NTN4: variants seen among roughly 807,000 people sequenced by gnomAD.
NTN4 encodes the protein netrin-4.
A neutral mutation model predicts 73.6 loss-of-function variants in NTN4; 32 were observed. The ratio of observed to expected loss-of-function variants is 0.44; its 90% CI spans 0.33 to 0.58. The LOEUF (loss-of-function observed/expected upper bound fraction) is 0.58, where lower values mean the gene tolerates loss of function less well. NTN4 is among the 20% of genes least tolerant of loss of function. NTN4 has a pLI of 0.04. For missense variants in NTN4, 654 were observed against 798.3 expected, an observed-to-expected ratio of 0.82 and a Z score of 2.18; for synonymous variants, 258 against 287.5, an observed-to-expected ratio of 0.90 and a Z score of 1.04.
At chr12:95,707,543 G>T (rs1321719058) in intron 5 of NTN4, among the ~76,000 whole-genome samples, 1 of 151,980 alleles carries the variant, frequency 6.6e-6, no homozygotes, top group Non-Finnish European at 1.5e-5. Context: ...TGGTTCCCTG[G>T]ATCCCTTCCC....
At chr12:95,780,796 A>G (rs1196704648) in intron 2 of NTN4, among the ~76,000 whole-genome samples, 1 of 152,236 alleles carries the variant, frequency 6.6e-6, no homozygotes, top group Non-Finnish European at 1.5e-5. Flanking sequence ...CCATCCCTTT[A>G]CCGGGTATAT....
intron 5 of NTN4, among the ~76,000 whole-genome samples, chr12:95,696,595 T>G (rs1375617878): frequency 6.6e-6 from 1 of 152,158 alleles, no homozygotes; most frequent in Non-Finnish European, 1.5e-5. Flanking sequence ...CATTAATAAA[T>G]GAACGTGCAT....
At chr12:95,682,179 C>T (rs1244961239) in intron 7 of NTN4, among the ~76,000 whole-genome samples, 1 of 147,564 alleles carries the variant, frequency 6.8e-6, no homozygotes, top group African/African-American at 2.5e-5. Context: ...ACCTTAGCCT[C>T]TCAAGTAGCT....
intron 5 of NTN4, among the ~76,000 whole-genome samples, chr12:95,694,550 CATAA>C (rs568161697): frequency 5.3e-5 from 8 of 152,180 alleles, no homozygotes; most frequent in Middle Eastern, 3.2e-3. Context: ...AACTGTTATA[CATAA>C]ATAGAGTGTG....
chr12:95,790,352 A>T lies in NTN4; in HGVS notation c.-43T>A. On this transcript the variant is annotated 5_prime_UTR_variant, in exon 1 of 10. Coordinates refer to ENST00000343702, the MANE Select transcript of NTN4 (RefSeq NM_021229.4). This position sits in a 1 kb window ranked among gnomAD's most constrained non-coding sequence, Gnocchi z 6.5. ...AGCAGCCGGGCCGGGCGGGTGCCGG[A>T]GGGAGCCGAGACCTCTGGGCTGCGG... The T allele has an allele frequency of 2.0e-6, 3 of 1,496,836 alleles. No homozygotes were observed. In the South Asian group the frequency reaches 3.8e-5, roughly 19 times the overall value. The allele number at this position is 1,496,836 out of a possible 1,614,324, so 92.7% of individuals were successfully genotyped here. A position where few individuals can be genotyped will look rare whatever the true frequency, so the allele number is the denominator to read the frequency against.
intron 7 of NTN4, chr12:95,672,205 CG>C (rs981873842): frequency 2.2e-6 from 1 of 463,374 alleles, no homozygotes; most frequent in Non-Finnish European, 3.7e-6. Context: ...GGTCGGGTTG[CG>C]GGGGGCGGGC....
intron 5 of NTN4, among the ~76,000 whole-genome samples, chr12:95,699,595 C>T (rs1424823252): frequency 2.7e-5 from 4 of 149,994 alleles, no homozygotes; most frequent in African/African-American, 9.8e-5. Context: ...GCATCTCCAA[C>T]AGCTGAGTAG....
chr12:95,759,485 A>ATTT lies in NTN4; in HGVS notation c.586-21344_586-21342dup, dbSNP rs748864733. Among the ~76,000 whole-genome samples, 43 of 122,296 alleles carry ATTT rather than the reference A, an allele frequency of 3.5e-4. 2 individuals are homozygous for ATTT. Among genetic ancestry groups the ATTT allele is most frequent in the African/African-American group, 4.6e-4 (13 of 28,522 alleles). The allele number at this position is 122,296 out of a possible 152,430, so 80.2% of individuals were successfully genotyped here. A position where few individuals can be genotyped will look rare whatever the true frequency, so the allele number is the denominator to read the frequency against. ...TAATCTACTGTCAGTCCCTAGTAGT[A>ATTT]TTTTTGTTTTTTTTTTTTTTTGAGA... is the stretch of plus-strand genomic sequence containing the variant. On this transcript the variant is annotated intron_variant, in intron 2 of 9. Coordinates refer to ENST00000343702, the MANE Select transcript of NTN4 (RefSeq NM_021229.4).
intron 5 of NTN4, among the ~76,000 whole-genome samples, chr12:95,708,717 G>A (rs1040557753): frequency 6.6e-5 from 10 of 152,012 alleles, no homozygotes; most frequent in Non-Finnish European, 1.2e-4. Flanking sequence ...CGTAGTTTTC[G>A]TTTCTTGAGG....
At chr12:95,748,615 C>T (rs1035124393) in intron 2 of NTN4, among the ~76,000 whole-genome samples, 2 of 151,946 alleles carry the variant, frequency 1.3e-5, no homozygotes, top group African/African-American at 4.8e-5. Context: ...GAATTACAGG[C>T]ACATGCCACC....
rs139753108 is a variant in NTN4 at position 95,694,097 on chromosome 12, T to C, written c.1181-10386A>G. On this transcript the variant is annotated intron_variant, in intron 5 of 9. Transcript: ENST00000343702. ...TGATCTGTGATCTTAAGCTCATTGT[T>C]GAAACCACCAATGGAATTCAGCATC... Among the ~76,000 whole-genome samples the C allele has an allele frequency of 4.6e-3, 704 of 152,310 alleles. 6 individuals carry two copies. Among genetic ancestry groups the C allele is most frequent in the African/African-American group, 0.016 (648 of 41,574 alleles).
At chr12:95,670,479 G>A (rs966500053) in intron 7 of NTN4, 13 of 177,660 alleles carry the variant, frequency 7.3e-5, no homozygotes, top group Non-Finnish European at 3.5e-5. Context: ...GAAAACAATT[G>A]TCTTTCTGCA....
intron 2 of NTN4, among the ~76,000 whole-genome samples, chr12:95,784,321 A>G (rs181518894): frequency 6.6e-6 from 1 of 152,186 alleles, no homozygotes; most frequent in Admixed American, 6.5e-5. Context: ...TTAGAGAAAG[A>G]CTCTTCCATT....
At chr12:95,703,456 T>C (rs2078501369) in intron 5 of NTN4, among the ~76,000 whole-genome samples, 1 of 152,222 alleles carries the variant, frequency 6.6e-6, no homozygotes, top group African/African-American at 2.4e-5. Flanking sequence ...CAGTGTGTGC[T>C]ATAGAACACG....
intron 5 of NTN4, among the ~76,000 whole-genome samples, chr12:95,685,300 T>G (rs1592663913): frequency 6.6e-6 from 1 of 152,104 alleles, no homozygotes; most frequent in Admixed American, 6.6e-5. Flanking sequence ...ACTGGGAGGG[T>G]CCTCTGGATA....
intron 3 of NTN4, among the ~76,000 whole-genome samples, chr12:95,716,773 T>G (rs1362688554): frequency 6.6e-6 from 1 of 152,122 alleles, no homozygotes; most frequent in African/African-American, 2.4e-5. Flanking sequence ...CTTATGTAGT[T>G]TTTTTGCATC....
intron 2 of NTN4, among the ~76,000 whole-genome samples, chr12:95,778,773 T>C (rs1000128866): frequency 6.6e-6 from 1 of 152,070 alleles, no homozygotes; most frequent in African/African-American, 2.4e-5. Flanking sequence ...ACTATTCCAA[T>C]CAATAGAAAA....
At chr12:95,733,595 TAGTA>T (rs2078753865) in intron 3 of NTN4, among the ~76,000 whole-genome samples, 1 of 152,184 alleles carries the variant, frequency 6.6e-6, no homozygotes, top group South Asian at 2.1e-4. Flanking sequence ...CCAAGTAACT[TAGTA>T]AGTGCTGTGG....
At chr12:95,677,219 A>C (rs989066007) in intron 7 of NTN4, among the ~76,000 whole-genome samples, 7 of 151,698 alleles carry the variant, frequency 4.6e-5, no homozygotes, top group Non-Finnish European at 7.4e-5. Context: ...ACAGAGTGAG[A>C]CTCCAACTCA....
Sources: gnomAD v4.1 joint callset for allele counts (sites outside exome capture counted in the v4.1 genomes callset) on GRCh38, gnomAD v4.1.1 for gene constraint, Gnocchi (gnomAD v3.1) non-coding constraint, MANE v1.5 for transcripts, NCBI Gene and HGNC (gene_info 2026-07-23, HGNC 2026-07-21) for gene names.